CNTNAP2: variants seen among roughly 807,000 people sequenced by gnomAD.
CNTNAP2 encodes contactin associated protein 2.
CNTNAP2 carries 98 observed loss-of-function variants against 155.2 expected under a neutral mutation model. The ratio of observed to expected loss-of-function variants is 0.63; its 90% CI spans 0.54 to 0.75. The LOEUF (loss-of-function observed/expected upper bound fraction) is 0.75, where lower values mean the gene tolerates loss of function less well. Ranked by LOEUF, CNTNAP2 falls within the 30% of genes least tolerant of loss-of-function variation. The pLI is 0.00. For synonymous variants in CNTNAP2, 651 were observed against 631.2 expected (o/e 1.03, Z -0.47); for missense variants, 1,727 against 1,688.1 (o/e 1.02, Z -0.40).
chr7:147,096,585 A>C (rs1286631071), intron 4 of CNTNAP2, among the ~76,000 whole-genome samples: 1 of 152,246 alleles, frequency 6.6e-6, no homozygotes, highest in Non-Finnish European at 1.5e-5. Context: ...TGATATTTAT[A>C]ACCAGCCAGC....
At chr7:147,081,020 A>G (rs1800114415) in intron 4 of CNTNAP2, 1 of 152,196 alleles carries the variant, frequency 6.6e-6, no homozygotes, top group South Asian at 2.1e-4. Flanking sequence ...CATAGTGTAT[A>G]TTCAACAAAA....
chr7:147,805,251 C>T (rs1221292288), intron 13 of CNTNAP2, among the ~76,000 whole-genome samples: 1 of 151,738 alleles, frequency 6.6e-6, no homozygotes. Flanking sequence ...GTCATCTGCC[C>T]TCCCAAAGTG....
intron 13 of CNTNAP2, among the ~76,000 whole-genome samples, chr7:147,778,980 A>G (rs1282625483): frequency 6.6e-6 from 1 of 152,202 alleles, no homozygotes; most frequent in Non-Finnish European, 1.5e-5. Context: ...ACCACCTTTT[A>G]TAATAAAAAC....
chr7:146,657,165 T>C (rs949980683), intron 1 of CNTNAP2, among the ~76,000 whole-genome samples: 2 of 152,174 alleles, frequency 1.3e-5, no homozygotes, highest in Non-Finnish European at 2.9e-5. Flanking sequence ...TTATTCTCAA[T>C]TTGGGCTTGA....
chr7:147,227,489 T>A (rs183891425), intron 8 of CNTNAP2, among the ~76,000 whole-genome samples: 4 of 152,260 alleles, frequency 2.6e-5, no homozygotes, highest in Non-Finnish European at 5.9e-5. Context: ...GCTGACCAGT[T>A]AGAAAATATT....
At chr7:147,881,451 G>A (rs1799518668) in intron 13 of CNTNAP2, among the ~76,000 whole-genome samples, 1 of 152,158 alleles carries the variant, frequency 6.6e-6, no homozygotes, top group East Asian at 1.9e-4. Context: ...TATATACTGA[G>A]TTATTGTTAT....
chr7:147,806,418 T>C (rs1360467277), intron 13 of CNTNAP2, among the ~76,000 whole-genome samples: 1 of 152,186 alleles, frequency 6.6e-6, no homozygotes, highest in Non-Finnish European at 1.5e-5. Context: ...ATAGTCATTA[T>C]GGAAAACAGC....
chr7:148,238,918 T>A (rs1796094558), intron 20 of CNTNAP2, among the ~76,000 whole-genome samples: 1 of 152,230 alleles, frequency 6.6e-6, no homozygotes, highest in South Asian at 2.1e-4. Flanking sequence ...TAAACACTCC[T>A]AAAAATTTTA....
intron 8 of CNTNAP2, among the ~76,000 whole-genome samples, chr7:147,299,233 TTA>T (rs1794895314): frequency 6.6e-6 from 1 of 152,204 alleles, no homozygotes; most frequent in African/African-American, 2.4e-5. Flanking sequence ...GTCCAGATGC[TTA>T]TGTTTCCTGG....
chr7:146,941,474 T>A (rs1314408168), intron 3 of CNTNAP2, among the ~76,000 whole-genome samples: 1 of 152,168 alleles, frequency 6.6e-6, no homozygotes, highest in African/African-American at 2.4e-5. Context: ...TGATTACTAA[T>A]TTAATAGTTT....
intron 3 of CNTNAP2, among the ~76,000 whole-genome samples, chr7:146,937,362 AT>A (rs1020911240): frequency 6.7e-5 from 9 of 134,410 alleles, no homozygotes; most frequent in South Asian, 2.4e-4. Context: ...AAAAAAAAAA[AT>A]AAAAATAAAA....
intron 1 of CNTNAP2, among the ~76,000 whole-genome samples, chr7:146,769,918 T>C (rs1802263117): frequency 6.6e-6 from 1 of 152,146 alleles, no homozygotes; most frequent in Non-Finnish European, 1.5e-5. Flanking sequence ...CATAGTTTTC[T>C]AACTCTTGGT....
chr7:147,398,659 C>G (rs1186539920), intron 10 of CNTNAP2, among the ~76,000 whole-genome samples: 1 of 96,128 alleles, frequency 1.0e-5, no homozygotes, highest in African/African-American at 4.2e-5. Flanking sequence ...TGCTTATTTT[C>G]TGAACGCAGC....
intron 12 of CNTNAP2, among the ~76,000 whole-genome samples, chr7:147,634,656 T>A (rs73470976): frequency 0.069 from 10,547 of 152,238 alleles, 1,014 homozygotes; most frequent in African/African-American, 0.19. Flanking sequence ...GCTGTAAAAA[T>A]TTTTAATTAT....
intron 22 of CNTNAP2, among the ~76,000 whole-genome samples, chr7:148,407,703 T>TAAAAAAA (rs57666141): frequency 0.017 from 1,593 of 92,800 alleles, 29 homozygotes; most frequent in Non-Finnish European, 0.027. Context: ...GACCAAATCT[T>TAAAAAAA]AAAAAAAAAA....
chr7:148,347,266 A>G (rs1168924926), intron 21 of CNTNAP2, among the ~76,000 whole-genome samples: 1 of 152,148 alleles, frequency 6.6e-6, no homozygotes, highest in Non-Finnish European at 1.5e-5. Context: ...CAAAAAAAAA[A>G]AAAAGAGAAA....
intron 3 of CNTNAP2, among the ~76,000 whole-genome samples, chr7:146,984,621 T>C (rs1033841921): frequency 1.3e-5 from 2 of 152,172 alleles, no homozygotes; most frequent in Non-Finnish European, 2.9e-5. Flanking sequence ...TAAGAGGGGC[T>C]GGTGTCCTAC....
chr7:147,736,510 T>A (rs187832169), intron 13 of CNTNAP2, among the ~76,000 whole-genome samples: 17 of 152,318 alleles, frequency 1.1e-4, no homozygotes, highest in Admixed American at 6.5e-4. Context: ...TTGGAGTTGC[T>A]CTTCTTGAGG....
intron 2 of CNTNAP2, among the ~76,000 whole-genome samples, chr7:146,821,404 T>C (rs1225653308): frequency 6.6e-6 from 1 of 152,110 alleles, no homozygotes; most frequent in Non-Finnish European, 1.5e-5. Context: ...TAAAGTATTT[T>C]ATTTCTCCTT....
Sources: allele counts gnomAD v4.1 joint callset (sites outside exome capture counted in the v4.1 genomes callset), GRCh38; gene constraint gnomAD v4.1.1; transcripts MANE v1.5; gene names NCBI Gene and HGNC (gene_info 2026-07-23, HGNC 2026-07-21).